The following WARS2 variants were observed in gnomAD, a reference collection of about 807,000 sequenced individuals.
The protein encoded by WARS2 is tryptophanyl tRNA synthetase 2, mitochondrial.
A neutral mutation model predicts 36.5 loss-of-function variants in WARS2; 28 were observed. That is an observed-to-expected ratio of 0.77 (90% confidence interval 0.57 to 1.05). The LOEUF is 1.05. Among genes scored for constraint, WARS2 ranks in the 50% least tolerant of loss-of-function variants. WARS2 has a pLI of 0.00. For missense variants in WARS2, 435 were observed against 456.8 expected (o/e 0.95, Z 0.44); for synonymous variants, 174 against 178.4 (o/e 0.98, Z 0.20).
chr1:119,124,937 G>A (rs978751222), intron 1 of WARS2, among the ~76,000 whole-genome samples: 12 of 152,262 alleles, frequency 7.9e-5, no homozygotes, highest in African/African-American at 2.2e-4. Flanking sequence ...GCTCTTCACC[G>A]TTGTTAGCTG....
rs943951058 is a variant in WARS2, at chr1:119,031,390, C to T, written c.*1521G>A. The stretch of plus-strand genomic sequence containing the variant: ...ACAAAAGGCAAAATGTTTCCTTTAC[C>T]CATGATCCAGGCTAGCTCCAAGAAT... On this transcript the variant is annotated 3_prime_UTR_variant, in exon 6 of 6. Transcript: ENST00000235521. 1 of 152,150 alleles carries T rather than the reference C, an allele frequency of 6.6e-6. No individual in the cohort carries two copies. The highest frequency in any genetic ancestry group is 1.5e-5 in the Non-Finnish European group (1 of 68,044). The allele number at this position is 152,150 out of a possible 1,614,324, so 9.4% of individuals were successfully genotyped here.
intron 1 of WARS2, among the ~76,000 whole-genome samples, chr1:119,110,603 A>C (rs1654557323): frequency 1.3e-5 from 2 of 151,392 alleles, no homozygotes; most frequent in Admixed American, 1.3e-4. Context: ...GCCTAGGTAT[A>C]GTTTTGGGGG....
At chr1:119,039,877 AC>A (rs1648203698) in intron 4 of WARS2, among the ~76,000 whole-genome samples, 1 of 152,182 alleles carries the variant, frequency 6.6e-6, no homozygotes, top group Non-Finnish European at 1.5e-5. Context: ...GAAAAAAAAA[AC>A]ACAGATGTTT....
chr1:119,125,233 T>A (rs1655571799), intron 1 of WARS2, among the ~76,000 whole-genome samples: 1 of 152,190 alleles, frequency 6.6e-6, no homozygotes, highest in East Asian at 1.9e-4. Context: ...TTCCCTCAGA[T>A]GTCTACTTTG....
At chr1:119,034,631 C>G (rs141001927) in intron 4 of WARS2, among the ~76,000 whole-genome samples, 1,775 of 152,284 alleles carry the variant, frequency 0.012, 25 homozygotes, top group South Asian at 0.027. Flanking sequence ...ACACCCCACC[C>G]CACTCTTCAA....
chr1:119,127,307 CA>C, intron 1 of WARS2: 3 of 520,744 alleles, frequency 5.8e-6, no homozygotes, highest in Non-Finnish European at 1.1e-5. Context: ...TGCTCAGAGC[CA>C]AAAACTGAGA....
At chr1:119,058,774 T>C (rs34558008) in intron 2 of WARS2, among the ~76,000 whole-genome samples, 6 of 129,720 alleles carry the variant, frequency 4.6e-5, no homozygotes, top group Non-Finnish European at 8.0e-5. Flanking sequence ...AACATACGTG[T>C]ACATGTGTCT....
At chr1:119,085,871 C>A (rs138485364) in intron 1 of WARS2, 1 of 1,610,466 alleles carries the variant, frequency 6.2e-7, no homozygotes, top group African/African-American at 1.3e-5. Context: ...ACTCGGAGTG[C>A]CAGGACACCT....
At chr1:119,042,959 C>G (rs114887872) in intron 3 of WARS2, among the ~76,000 whole-genome samples, 2,028 of 152,186 alleles carry the variant, frequency 0.013, 30 homozygotes, top group African/African-American at 0.043. Flanking sequence ...GTCAAGTGAC[C>G]CAATGAGCAG....
intron 1 of WARS2, among the ~76,000 whole-genome samples, chr1:119,091,494 G>T (rs748842268): frequency 2.0e-5 from 3 of 152,182 alleles, no homozygotes; most frequent in African/African-American, 7.2e-5. Context: ...AGGCACTCAA[G>T]AAATTATTTG....
chr1:119,131,760 C>T (rs1037419905), intron 1 of WARS2, among the ~76,000 whole-genome samples: 13 of 152,146 alleles, frequency 8.5e-5, no homozygotes, highest in African/African-American at 2.2e-4. Flanking sequence ...AGCGCCGGCC[C>T]GGACTGTACA....
chr1:119,108,115 A>T (rs1654372028), intron 1 of WARS2, among the ~76,000 whole-genome samples: 1 of 151,948 alleles, frequency 6.6e-6, no homozygotes, highest in South Asian at 2.1e-4. Context: ...CCATATTCAT[A>T]AGACATACTG....
intron 3 of WARS2, among the ~76,000 whole-genome samples, chr1:119,043,278 T>C (rs973592845): frequency 2.0e-5 from 3 of 152,226 alleles, no homozygotes; most frequent in Non-Finnish European, 4.4e-5. Flanking sequence ...ATCTTACTCA[T>C]TGAGTTAATC....
chr1:119,088,983 T>C (rs1018815336), intron 1 of WARS2, among the ~76,000 whole-genome samples: 5 of 152,172 alleles, frequency 3.3e-5, no homozygotes, highest in African/African-American at 1.2e-4. Flanking sequence ...TTAGCTCAGT[T>C]GGTTGGCCAA....
At chr1:119,103,954 ATTTTT>A (rs1364810733) in intron 1 of WARS2, among the ~76,000 whole-genome samples, 1 of 150,442 alleles carries the variant, frequency 6.6e-6, no homozygotes, top group Non-Finnish European at 1.5e-5. Flanking sequence ...AAAATGTATT[ATTTTT>A]AATTAAAAAT....
intron 2 of WARS2, chr1:119,064,078 C>T (rs2101232161): frequency 1.3e-5 from 2 of 152,266 alleles, no homozygotes; most frequent in South Asian, 4.1e-4. Context: ...CCCTGCAAAG[C>T]CACAGGAGTG....
chr1:119,139,100 TG>T (rs1656741368), intron 1 of WARS2, among the ~76,000 whole-genome samples: 1 of 152,194 alleles, frequency 6.6e-6, no homozygotes, highest in African/African-American at 2.4e-5. Flanking sequence ...ATAGCATAGG[TG>T]TTAATGTGCT....
At chr1:119,137,970 A>C (rs1656629991) in intron 1 of WARS2, among the ~76,000 whole-genome samples, 1 of 152,176 alleles carries the variant, frequency 6.6e-6, no homozygotes, top group Non-Finnish European at 1.5e-5. Context: ...TATTAGTTAG[A>C]GTTTCTAACA....
At chr1:119,039,025 G>T (rs577711764) in intron 4 of WARS2, among the ~76,000 whole-genome samples, 2 of 152,100 alleles carry the variant, frequency 1.3e-5, no homozygotes, top group South Asian at 4.1e-4. Context: ...TCAGATTCTT[G>T]AGAAAGATAA....
Sources: gnomAD v4.1 joint callset for allele counts (sites outside exome capture counted in the v4.1 genomes callset) on GRCh38, gnomAD v4.1.1 for gene constraint, MANE v1.5 for transcripts, NCBI Gene and HGNC (gene_info 2026-07-23, HGNC 2026-07-21) for gene names.